WDFY3: variants seen among roughly 807,000 people sequenced by gnomAD.
The protein encoded by WDFY3 is WD repeat and FYVE domain-containing protein 3.
WDFY3 carries 66 observed loss-of-function variants against 409.6 expected under a neutral mutation model. The observed-to-expected ratio is 0.16, with a 90% CI of 0.13 to 0.20. The LOEUF (loss-of-function observed/expected upper bound fraction) is 0.20, where lower values mean the gene tolerates loss of function less well. WDFY3 is among the 10% of genes least tolerant of loss of function. The pLI, the probability that WDFY3 is intolerant of heterozygous loss-of-function variation, is 1.00. For missense variants in WDFY3, 3,031 were observed against 4,298.1 expected (o/e 0.71, Z 8.24); for synonymous variants, 1,521 against 1,537.1 (o/e 0.99, Z 0.25).
intron 56 of WDFY3, among the ~76,000 whole-genome samples, chr4:84,699,627 A>C (rs1164251732): frequency 6.6e-6 from 1 of 152,154 alleles, no homozygotes; most frequent in Non-Finnish European, 1.5e-5. Flanking sequence ...GAACTGCCAA[A>C]CTACTTCCCA....
At chr4:84,744,639 G>T (rs2149252131) in intron 36 of WDFY3, among the ~76,000 whole-genome samples, 1 of 151,688 alleles carries the variant, frequency 6.6e-6, no homozygotes, top group Non-Finnish European at 1.5e-5. Flanking sequence ...GGATCACGAG[G>T]TCAGGAGATC....
At chr4:84,695,509 TAGAGAGAG>T (rs869147060) in intron 58 of WDFY3, among the ~76,000 whole-genome samples, 2,077 of 107,366 alleles carry the variant, frequency 0.019, 10 homozygotes, top group African/African-American at 0.022. Flanking sequence ...CAGAGAGAGA[TAGAGAGAG>T]AGAGAGAGAG....
At chr4:84,736,455 A>G in intron 41 of WDFY3, 128 bp from the exon 42 acceptor site, 1 of 834,702 alleles carries the variant, frequency 1.2e-6, no homozygotes, top group Non-Finnish European at 1.7e-6. Flanking sequence ...ACAGATGCAG[A>G]TATTACATTC....
At position 84,829,130 on chromosome 4, in the gene WDFY3, A is replaced by G; in HGVS notation, c.830T>C (p.Leu277Pro). 2 of 1,613,608 alleles carry G rather than the reference A, an allele frequency of 1.2e-6. No homozygotes were observed. Among genetic ancestry groups the G allele is most frequent in the Non-Finnish European group, 1.7e-6 (2 of 1,179,640 alleles). The part of the protein sequence containing the change: ...NMQQSDDLSP[L>P]EIVEMFAGLS... The stretch of plus-strand genomic sequence containing the variant: ...CCCAGCAAACATTTCGACAATTTCT[A>G]GGGGAGACAGGTCATCTGATTGCTG... Residue 277 changes from leucine (L) to proline (P), a missense_variant, in exon 9 of 68, where the codon CTA becomes CCA. Around this residue, in one of 16 missense-constraint regions of WDFY3, gnomAD observed 1,322 missense variants for 1,697.9 expected, o/e 0.78. Transcript: ENST00000295888.
intron 3 of WDFY3, among the ~76,000 whole-genome samples, chr4:84,868,606 C>A (rs1325452564): frequency 6.6e-6 from 1 of 152,100 alleles, no homozygotes; most frequent in East Asian, 1.9e-4. Context: ...TTTTGGTGTG[C>A]TTAATTTTTT....
At position 84,829,291 on chromosome 4, in the gene WDFY3, A is replaced by T. The variant is rs1019883812; in HGVS notation, c.770-101T>A. The T allele has an allele frequency of 2.4e-5, 23 of 972,398 alleles. No homozygotes were observed. In the East Asian group the frequency reaches 6.1e-4, roughly 26 times the overall value. The allele number at this position is 972,398 out of a possible 1,614,324, so 60.2% of individuals were successfully genotyped here. A position where few individuals can be genotyped will look rare whatever the true frequency, so the allele number is the denominator to read the frequency against. On this transcript the variant is annotated intron_variant, in intron 8 of 67. Coordinates refer to ENST00000295888, the MANE Select transcript of WDFY3 (RefSeq NM_014991.6). Reference sequence around the variant, plus strand: ...GTTTAATGAAACATTAAATTTTAACATATCTGTAAAATACTATGAGATAAA... The same window carrying T: ...GTTTAATGAAACATTAAATTTTAACTTATCTGTAAAATACTATGAGATAAA...
intron 31 of WDFY3, 69 bp downstream of exon 31, chr4:84,766,183 T>G: frequency 6.6e-7 from 1 of 1,511,096 alleles, no homozygotes; most frequent in Non-Finnish European, 8.9e-7. Flanking sequence ...GGCAATTCCT[T>G]CTTTTGCCTA....
intron 51 of WDFY3, among the ~76,000 whole-genome samples, chr4:84,710,691 A>G (rs1430402823): frequency 1.3e-5 from 2 of 152,234 alleles, no homozygotes; most frequent in African/African-American, 4.8e-5. Context: ...AAAGTTGGAA[A>G]TGAATTTCTG....
chr4:84,794,406 G>T, intron 21 of WDFY3, 113 bp downstream of exon 21: 1 of 1,046,936 alleles, frequency 9.6e-7, no homozygotes, highest in Non-Finnish European at 1.4e-6. Context: ...CTTGTTCTAT[G>T]CTATAATAAT....
intron 36 of WDFY3, among the ~76,000 whole-genome samples, chr4:84,750,112 T>C (rs1201381157): frequency 6.6e-6 from 1 of 152,186 alleles, no homozygotes; most frequent in Non-Finnish European, 1.5e-5. Flanking sequence ...TTCTGGACTT[T>C]ATCCTATTAT....
At chr4:84,741,462 G>A (rs1010013150) in intron 38 of WDFY3, among the ~76,000 whole-genome samples, 4 of 151,912 alleles carry the variant, frequency 2.6e-5, no homozygotes, top group Non-Finnish European at 4.4e-5. Flanking sequence ...TTACAGGCGC[G>A]CACCAACATG....
chr4:84,816,350 A>C (rs917842945), intron 13 of WDFY3, among the ~76,000 whole-genome samples: 2 of 152,174 alleles, frequency 1.3e-5, no homozygotes, highest in Admixed American at 1.3e-4. Context: ...ACAGCTTTAC[A>C]AAGAGACTAC....
At chr4:84,703,026 G>A (rs1731311272) in intron 55 of WDFY3, among the ~76,000 whole-genome samples, 1 of 151,928 alleles carries the variant, frequency 6.6e-6, no homozygotes, top group East Asian at 1.9e-4. Context: ...AACCCCAGGG[G>A]GCGGAGCCTG....
chr4:84,809,669 C>T (rs528518547), intron 14 of WDFY3: 59 of 441,246 alleles, frequency 1.3e-4, no homozygotes, highest in African/African-American at 1.2e-3. Flanking sequence ...CTAATTGAAC[C>T]TGAATTTACA....
chr4:84,873,060 A>G (rs1762333640), intron 3 of WDFY3, among the ~76,000 whole-genome samples: 1 of 152,216 alleles, frequency 6.6e-6, no homozygotes, highest in African/African-American at 2.4e-5. Context: ...TGAAGGGAGA[A>G]AGAGACAAAT....
At chr4:84,733,664 A>T in intron 43 of WDFY3, 55 bp from the exon 44 acceptor site, 1 of 1,454,402 alleles carries the variant, frequency 6.9e-7, no homozygotes, top group South Asian at 1.3e-5. Flanking sequence ...TAACAGTAAC[A>T]AGTCTACAAG....
chr4:84,677,628 G>C (rs973701767), intron 66 of WDFY3, among the ~76,000 whole-genome samples: 3 of 152,060 alleles, frequency 2.0e-5, no homozygotes, highest in Non-Finnish European at 4.4e-5. Context: ...TATCTTTGAA[G>C]AACAGAAAAA....
At chr4:84,964,285 C>G (rs1175667440) in intron 1 of WDFY3, among the ~76,000 whole-genome samples, 2 of 152,032 alleles carry the variant, frequency 1.3e-5, no homozygotes, top group East Asian at 1.9e-4. Context: ...CTGAGCAACA[C>G]AGGGAGACCC....
At chr4:84,907,282 C>G (rs1767165701) in intron 2 of WDFY3, among the ~76,000 whole-genome samples, 1 of 152,084 alleles carries the variant, frequency 6.6e-6, no homozygotes, top group Non-Finnish European at 1.5e-5. Flanking sequence ...TTCTAAGGAA[C>G]AGAATATGGA....
Sources: gnomAD v4.1 joint callset for allele counts (sites outside exome capture counted in the v4.1 genomes callset) on GRCh38, gnomAD v4.1.1 for gene constraint, gnomAD v4.1.1 regional missense constraint, MANE v1.5 for transcripts, NCBI Gene and HGNC (gene_info 2026-07-23, HGNC 2026-07-21) for gene names.